The following MGST1 variants were observed in gnomAD, a reference collection of about 807,000 sequenced individuals.
The protein encoded by MGST1 is glutathione S-transferase 12.
In MGST1, 5 loss-of-function variants were observed where a neutral mutation model predicts 8.9. That is an observed-to-expected ratio of 0.56 (90% CI 0.29 to 1.19). The LOEUF (loss-of-function observed/expected upper bound fraction) is 1.19. Among genes scored for constraint, MGST1 ranks in the 50% most tolerant of loss-of-function variants. The pLI is 0.08. For synonymous variants in MGST1, 54 were observed against 67.8 expected, an observed-to-expected ratio of 0.80 and a Z score of 1.00; for missense variants, 182 against 187.4, an observed-to-expected ratio of 0.97 and a Z score of 0.17.
intron 4 of MGST1, among the ~76,000 whole-genome samples, chr12:16,444,462 C>A (rs77157621): frequency 0.033 from 5,048 of 151,856 alleles, 221 homozygotes; most frequent in African/African-American, 0.1. Context: ...TAGACATAAG[C>A]ACCTCAAAAA....
Position 16,513,577 on chromosome 12 carries a change from G to T in MGST1, n.483-75951G>T. ...CACCAATAGCAAAAAGATGAATCTG[G>T]GAGTTAGTGCCTACAGGGACCACAA... On this transcript the variant is annotated intron_variant and non_coding_transcript_variant, in intron 4 of 4. Transcript: ENST00000538857. The surrounding 1 kb of genome is among the most constrained non-coding windows in gnomAD (Gnocchi z 4.2). The T allele has an allele frequency of 2.0e-6, 1 of 492,850 alleles. No homozygotes were observed. Among genetic ancestry groups the T allele is most frequent in the South Asian group, 1.5e-5 (1 of 65,736 alleles). The allele number at this position is 492,850 out of a possible 1,614,324, so 30.5% of individuals were successfully genotyped here.
chr12:16,354,308 A>G lies in MGST1; in HGVS notation c.56A>G (p.Tyr19Cys), dbSNP rs1591692042. 4.4e-6 allele frequency: 7 copies of G among 1,607,708 alleles called. No individual in the cohort carries two copies. Among genetic ancestry groups the G allele is most frequent in the East Asian group, 4.5e-5 (2 of 44,460 alleles). Residue 19 changes from tyrosine (Y) to cysteine (C), a missense_variant, in exon 2 of 4, where the codon TAT (tyrosine) becomes TGT (cysteine). Tyr to Cys is a radical substitution (Grantham distance 194). Coordinates refer to ENST00000396210, the MANE Select transcript of MGST1 (RefSeq NM_020300.5). ...DDEVFMAFASYATIILSKMML... is the reference protein window; with the variant it reads ...DDEVFMAFASCATIILSKMML... ...GAAGTATTCATGGCTTTTGCATCCT[A>G]TGCAACAATTATTCTTTCAAAAATG...
intron 4 of MGST1, among the ~76,000 whole-genome samples, chr12:16,462,423 T>C (rs1353885520): frequency 2.6e-5 from 4 of 152,198 alleles, no homozygotes; most frequent in Non-Finnish European, 5.9e-5. Flanking sequence ...TGCTGTCTTG[T>C]GTAACACAAG....
At chr12:16,516,323 A>G (rs1017163435) in intron 4 of MGST1, among the ~76,000 whole-genome samples, 2 of 152,230 alleles carry the variant, frequency 1.3e-5, no homozygotes, top group Non-Finnish European at 2.9e-5. Flanking sequence ...ATATGGAGTC[A>G]TTATTAGCCA....
At position 16,354,377 on chromosome 12, in the gene MGST1, A is replaced by G. The variant is rs148472066; in HGVS notation, c.125A>G (p.Lys42Arg). The G allele has an allele frequency of 3.4e-5, 54 of 1,589,092 alleles. No homozygotes were observed. Among genetic ancestry groups the G allele is most frequent in the Admixed American group, 5.7e-5 (3 of 52,500 alleles). The change falls in exon 2 of 4, where the codon AAG (lysine) becomes AGG (arginine). Residue 42 changes from lysine to arginine, a missense_variant and splice_region_variant. Physicochemically the swap from Lys to Arg is conservative, Grantham distance 26. Transcript: ENST00000396210. ...ACTGCATTCTATAGATTGACAAGAA[A>G]GGTAAGAAATTTGGAGGTAATATTT... Reference protein sequence around the residue: ...TATAFYRLTRKVFANPEDCVA... With the variant: ...TATAFYRLTRRVFANPEDCVA...
downstream of MGST1, among the ~76,000 whole-genome samples, chr12:16,439,730 C>A (rs2137101735): frequency 6.6e-6 from 1 of 151,958 alleles, no homozygotes; most frequent in Admixed American, 6.6e-5. Flanking sequence ...ACCTAGGAAT[C>A]ATTACTGTTA....
intron 3 of MGST1, chr12:16,360,244 C>T: frequency 1.6e-6 from 1 of 640,578 alleles, no homozygotes; most frequent in South Asian, 7.1e-5. Context: ...TTTCCAGCAT[C>T]TTCCCTTTCC....
At chr12:16,520,886 C>A (rs1258973191) in intron 4 of MGST1, among the ~76,000 whole-genome samples, 1 of 152,032 alleles carries the variant, frequency 6.6e-6, no homozygotes, top group South Asian at 2.1e-4. Context: ...CTTCCTTACC[C>A]CGTCTTCTTA....
chr12:16,577,858 G>A (rs1943042215), intron 4 of MGST1, among the ~76,000 whole-genome samples: 1 of 152,122 alleles, frequency 6.6e-6, no homozygotes, highest in Non-Finnish European at 1.5e-5. Flanking sequence ...TCTTCTAAAT[G>A]TGTCACCTAA....
In MGST1 at chr12:16,401,616, C is replaced by G; in HGVS notation, n.778+18012C>G. ...AATACCCATGGCACAAGTGATAGCC[C>G]CAAAATACATGTGATTCTTGTCACT... On this transcript the variant is annotated intron_variant and non_coding_transcript_variant, in intron 1 of 1. Coordinates refer to the MGST1 transcript ENST00000359720. The surrounding 1 kb of genome is among the most constrained non-coding windows in gnomAD (Gnocchi z 4.3). The G allele has an allele frequency of 6.4e-7, 1 of 1,563,838 alleles. No homozygotes were observed. The highest frequency in any genetic ancestry group is 2.2e-5 in the East Asian group (1 of 44,652).
In MGST1 at chr12:16,500,854, C is replaced by T. The variant is rs1416847717; in HGVS notation, n.483-88674C>T. 6.6e-6 allele frequency among the ~76,000 whole-genome samples: 1 copy of T among 151,942 alleles called. No homozygotes were observed. The highest frequency in any genetic ancestry group is 1.5e-5 in the Non-Finnish European group (1 of 67,966). The stretch of plus-strand genomic sequence containing the variant: ...GGCGTGGTGGCTCACGCCTGTAATC[C>T]CAGCACTTTGGGAGACCAAGGCAGG... On this transcript the variant is annotated intron_variant and non_coding_transcript_variant, in intron 4 of 4. Transcript: ENST00000538857. The surrounding 1 kb of genome is among the most constrained non-coding windows in gnomAD (Gnocchi z 4.3).
At position 16,584,591 on chromosome 12, in the gene MGST1, G is replaced by C. The variant is rs556007557; in HGVS notation, n.483-4937G>C. Among the ~76,000 whole-genome samples, 39 of 152,254 alleles carry C rather than the reference G, an allele frequency of 2.6e-4. 1 individual carries two copies. Among genetic ancestry groups the C allele is most frequent in the African/African-American group, 9.1e-4 (38 of 41,552 alleles). On this transcript the variant is annotated intron_variant and non_coding_transcript_variant, in intron 4 of 4. Coordinates refer to the MGST1 transcript ENST00000538857. This position sits in a 1 kb window ranked among gnomAD's most constrained non-coding sequence, Gnocchi z 5.2. The stretch of plus-strand genomic sequence containing the variant: ...ACATTGGCAAGTGGAGGAGTGGGGG[G>C]GGTAAGAGGCCTGTTTAGAGGTGGA...
chr12:16,356,770 C>T (rs1245093062), intron 2 of MGST1, among the ~76,000 whole-genome samples: 1 of 152,154 alleles, frequency 6.6e-6, no homozygotes, highest in Non-Finnish European at 1.5e-5. Context: ...TTCTTCAACC[C>T]AAAGTTTTAT....
chr12:16,362,989 A>G lies in MGST1; in HGVS notation c.222-806A>G, dbSNP rs1428418701. On this transcript the variant is annotated intron_variant, in intron 3 of 3. Coordinates refer to ENST00000396210, the MANE Select transcript of MGST1 (RefSeq NM_020300.5). This position sits in a 1 kb window ranked among gnomAD's most constrained non-coding sequence, Gnocchi z 4.4. ...AATAAAAATGTCAAGTCCATAGTAG[A>G]TGTGTTTTGTATTCGGTCTTAGCCA... is the stretch of plus-strand genomic sequence containing the variant. 6.6e-6 allele frequency: 1 copy of G among 152,112 alleles called. No homozygotes were observed. The highest frequency in any genetic ancestry group is 1.5e-5 in the Non-Finnish European group (1 of 68,018). The allele number at this position is 152,112 out of a possible 1,614,324, so 9.4% of individuals were successfully genotyped here.
At chr12:16,529,978 C>CA (rs1456291656) in intron 4 of MGST1, among the ~76,000 whole-genome samples, 1 of 152,036 alleles carries the variant, frequency 6.6e-6, no homozygotes, top group Non-Finnish European at 1.5e-5. Context: ...TAAGTTTCTG[C>CA]AAATAGCAAA....
At chr12:16,373,258 T>C (rs193199335) in intron 3 of MGST1, among the ~76,000 whole-genome samples, 33 of 151,458 alleles carry the variant, frequency 2.2e-4, no homozygotes, top group African/African-American at 6.8e-4. Flanking sequence ...GGAAGGATAG[T>C]AGGGATGTGG....
chr12:16,422,943 C>A (rs556311273), intron 1 of MGST1, among the ~76,000 whole-genome samples: 1 of 152,220 alleles, frequency 6.6e-6, no homozygotes, highest in South Asian at 2.1e-4. Flanking sequence ...AGGGAAGACT[C>A]TGCAGGTCTC....
At position 16,401,923 on chromosome 12, in the gene MGST1, C is replaced by T. The variant is rs562405917; in HGVS notation, n.778+18319C>T. On this transcript the variant is annotated intron_variant and non_coding_transcript_variant, in intron 1 of 1. Transcript: ENST00000359720. The surrounding 1 kb of genome is among the most constrained non-coding windows in gnomAD (Gnocchi z 4.3). ...CTTACAGCGACTGTATATGCCACAA[C>T]TGCACTGATATCTATTTTGTCAAAG... is the stretch of plus-strand genomic sequence containing the variant. 1.9e-6 allele frequency: 3 copies of T among 1,608,354 alleles called. No individual in the cohort carries two copies. Among genetic ancestry groups the T allele is most frequent in the Non-Finnish European group, 2.6e-6 (3 of 1,174,796 alleles).
Position 16,410,375 on chromosome 12 carries a change from A to G in MGST1, n.778+26771A>G, listed in dbSNP as rs1240621638. ...CTTAACTCTTCCTGTTTCTTCTTCCATCTCTCCAGTTCAAGTTCCCACCAG... is the reference window on the plus strand; with the variant it reads ...CTTAACTCTTCCTGTTTCTTCTTCCGTCTCTCCAGTTCAAGTTCCCACCAG... On this transcript the variant is annotated intron_variant and non_coding_transcript_variant, in intron 1 of 1. Transcript: ENST00000359720. This position sits in a 1 kb window ranked among gnomAD's most constrained non-coding sequence, Gnocchi z 4.4. 5.3e-5 allele frequency among the ~76,000 whole-genome samples: 8 copies of G among 151,874 alleles called. No homozygotes were observed. The highest frequency in any genetic ancestry group is 4.6e-4 in the Admixed American group (7 of 15,206).
Sources: allele counts gnomAD v4.1 joint callset (sites outside exome capture counted in the v4.1 genomes callset), GRCh38; gene constraint gnomAD v4.1.1; non-coding constraint Gnocchi (gnomAD v3.1); transcripts MANE v1.5; gene names NCBI Gene and HGNC (gene_info 2026-07-23, HGNC 2026-07-21).